Variants in CLEC6A observed in about 807,000 individuals in gnomAD.
CLEC6A encodes C-type lectin domain family 6 member A.
CLEC6A carries 22 observed loss-of-function variants against 25.7 expected under a neutral mutation model. The observed-to-expected ratio is 0.85, with a 90% CI of 0.61 to 1.22. The LOEUF (loss-of-function observed/expected upper bound fraction) is 1.22, where lower values mean the gene tolerates loss of function less well. Ranked by LOEUF, CLEC6A falls within the 50% of genes most tolerant of loss-of-function variation. The pLI, the probability that CLEC6A is intolerant of heterozygous loss-of-function variation, is 0.00. For synonymous variants in CLEC6A, 92 were observed against 76.7 expected (o/e 1.20, Z -1.04); for missense variants, 240 against 236.8 (o/e 1.01, Z -0.09).
At chr12:8,469,670 A>G (rs1323810818) in intron 4 of CLEC6A, among the ~76,000 whole-genome samples, 1 of 152,106 alleles carries the variant, frequency 6.6e-6, no homozygotes, top group Non-Finnish European at 1.5e-5. Context: ...GCAAACAAAA[A>G]CGTAAAGTGG....
At chr12:8,459,793 G>A (rs1939729532) in intron 3 of CLEC6A, 95 bp downstream of exon 3, 1 of 793,640 alleles carries the variant, frequency 1.3e-6, no homozygotes, top group East Asian at 2.5e-5. Flanking sequence ...GCATTTGTGT[G>A]TGTATGTTTT....
chr12:8,471,904 G>C (rs1382830597), intron 4 of CLEC6A, among the ~76,000 whole-genome samples: 2 of 152,134 alleles, frequency 1.3e-5, no homozygotes, highest in Non-Finnish European at 2.9e-5. Context: ...AGTTATAGGA[G>C]CTTGGTTGTA....
At chr12:8,459,539 G>A (rs1939724562) in intron 2 of CLEC6A, 58 bp from the exon 3 acceptor site, 5 of 1,112,136 alleles carry the variant, frequency 4.5e-6, no homozygotes, top group Admixed American at 3.4e-5. Context: ...CAGATATAGA[G>A]CCTAAGGCTT....
At chr12:8,470,120 T>A (rs187207805) in intron 4 of CLEC6A, among the ~76,000 whole-genome samples, 122 of 152,068 alleles carry the variant, frequency 8.0e-4, no homozygotes, top group African/African-American at 2.8e-3. Context: ...AAAAGTGGGC[T>A]AAGGACATGA....
At chr12:8,474,272 T>A (rs1939942573) in intron 4 of CLEC6A, among the ~76,000 whole-genome samples, 1 of 152,172 alleles carries the variant, frequency 6.6e-6, no homozygotes, top group Non-Finnish European at 1.5e-5. Context: ...GGGGTTCAGA[T>A]TTATTCTTCG....
chr12:8,460,352 G>C (rs1223906614), intron 3 of CLEC6A, among the ~76,000 whole-genome samples: 1 of 152,242 alleles, frequency 6.6e-6, no homozygotes, highest in Non-Finnish European at 1.5e-5. Flanking sequence ...CAAGAGAAGA[G>C]AGAATGAGAG....
At chr12:8,476,980 A>T (rs1175512991) in intron 5 of CLEC6A, among the ~76,000 whole-genome samples, 3 of 152,126 alleles carry the variant, frequency 2.0e-5, no homozygotes, top group African/African-American at 7.2e-5. Flanking sequence ...ATAAGAATAC[A>T]TAGATGTAAG....
intron 1 of CLEC6A, among the ~76,000 whole-genome samples, chr12:8,456,614 T>TTA (rs145105449): frequency 0.024 from 3,726 of 152,278 alleles, 59 homozygotes; most frequent in African/African-American, 0.045. Context: ...AATAATGTTT[T>TTA]AAAAAAATTT....
At chr12:8,473,212 T>G (rs748275811) in intron 4 of CLEC6A, among the ~76,000 whole-genome samples, 2,507 of 12,000 alleles carry the variant, frequency 0.21, 1,058 homozygotes, top group Non-Finnish European at 0.39. Flanking sequence ...GCCAGGATGG[T>G]CTCGATCTCC....
At chr12:8,469,511 C>T (rs4883155) in intron 4 of CLEC6A, among the ~76,000 whole-genome samples, 117,509 of 151,982 alleles carry the variant, frequency 0.77, 45,882 homozygotes, top group East Asian at 0.99. Context: ...GATCTGGAGG[C>T]ATTACATTAC....
intron 3 of CLEC6A, chr12:8,461,297 A>G (rs1939750534): frequency 3.7e-6 from 2 of 546,600 alleles, no homozygotes; most frequent in African/African-American, 1.9e-5. Context: ...AAAAACAAGA[A>G]AAGAAAAGAA....
intron 3 of CLEC6A, 32 bp downstream of exon 3, chr12:8,459,730 T>A (rs749837822): frequency 7.8e-6 from 11 of 1,412,502 alleles, no homozygotes; most frequent in Non-Finnish European, 1.1e-5. Context: ...ATAGACTTTC[T>A]TTTTTCTCAG....
chr12:8,476,631 T>A (rs1939977302), intron 5 of CLEC6A, among the ~76,000 whole-genome samples: 1 of 152,038 alleles, frequency 6.6e-6, no homozygotes, highest in Non-Finnish European at 1.5e-5. Context: ...AGTAGAAAAA[T>A]TACATAATAA....
At chr12:8,476,676 T>C (rs1939978484) in intron 5 of CLEC6A, among the ~76,000 whole-genome samples, 1 of 152,110 alleles carries the variant, frequency 6.6e-6, no homozygotes, top group Non-Finnish European at 1.5e-5. Flanking sequence ...TAGAATTCAG[T>C]TATACATTAT....
intron 4 of CLEC6A, among the ~76,000 whole-genome samples, chr12:8,472,991 C>CTTTTTTTTTTTTTTTT (rs1565484384): frequency 8.1e-4 from 2 of 2,472 alleles, no homozygotes; most frequent in African/African-American, 1.1e-3. Context: ...TTAGCTCCTA[C>CTTTTTTTTTTTTTTTT]TTCTTTTTTT....
chr12:8,474,160 G>A (rs1218235668), intron 4 of CLEC6A, among the ~76,000 whole-genome samples: 2 of 152,076 alleles, frequency 1.3e-5, no homozygotes, highest in Non-Finnish European at 1.5e-5. Context: ...CTGATGTCCG[G>A]CATGGTGGTT....
At chr12:8,459,799 G>A (rs1939729616) in intron 3 of CLEC6A, 101 bp downstream of exon 3, 3 of 766,502 alleles carry the variant, frequency 3.9e-6, no homozygotes, top group Non-Finnish European at 6.9e-6. Context: ...GTGTGTGTAT[G>A]TTTTATTAAA....
intron 3 of CLEC6A, among the ~76,000 whole-genome samples, chr12:8,464,761 G>T (rs762043416): frequency 1.6e-4 from 24 of 152,118 alleles, no homozygotes; most frequent in Non-Finnish European, 3.1e-4. Context: ...GGCTAGCTAT[G>T]GATTTCTTTA....
At chr12:8,476,890 G>A (rs1939981685) in intron 5 of CLEC6A, among the ~76,000 whole-genome samples, 1 of 151,936 alleles carries the variant, frequency 6.6e-6, no homozygotes, top group African/African-American at 2.4e-5. Flanking sequence ...CTGGAGGCAG[G>A]GTAACTTTTA....
Sources: allele counts gnomAD v4.1 joint callset (sites outside exome capture counted in the v4.1 genomes callset), GRCh38; gene constraint gnomAD v4.1.1; transcripts MANE v1.5; gene names NCBI Gene and HGNC (gene_info 2026-07-23, HGNC 2026-07-21).